The following ANK3 variants were observed in gnomAD, a reference collection of about 807,000 sequenced individuals.
ANK3 encodes ankyrin-3.
A neutral mutation model predicts 370.9 loss-of-function variants in ANK3; 57 were observed. The ratio of observed to expected loss-of-function variants is 0.15; its 90% CI spans 0.12 to 0.19. The LOEUF (loss-of-function observed/expected upper bound fraction) is 0.19. Ranked by LOEUF, ANK3 falls within the 10% of genes least tolerant of loss-of-function variation. ANK3 has a pLI of 1.00. For synonymous variants in ANK3, 1,929 were observed against 1,946.3 expected (o/e 0.99, Z 0.23); for missense variants, 4,439 against 5,302.1 (o/e 0.84, Z 5.06).
intron 2 of ANK3, among the ~76,000 whole-genome samples, chr10:60,465,261 C>T (rs1350095233): frequency 1.6e-5 from 2 of 126,270 alleles, no homozygotes; most frequent in Non-Finnish European, 3.3e-5. Context: ...GAGACCTAGT[C>T]ACCAAAAAAA....
chr10:60,295,812 C>T (rs1466652028), intron 1 of ANK3, among the ~76,000 whole-genome samples: 4 of 152,036 alleles, frequency 2.6e-5, no homozygotes, highest in Admixed American at 1.3e-4. Flanking sequence ...TTGTTACATG[C>T]TAACTTAAAA....
Position 60,559,286 on chromosome 10 carries a change from C to T in ANK3, c.96+55900G>A, listed in dbSNP as rs117038457. Among the ~76,000 whole-genome samples the T allele has an allele frequency of 3.6e-4, 55 of 152,188 alleles. No individual in the cohort carries two copies. In the East Asian group the frequency reaches 9.3e-3, roughly 26 times the overall value. On this transcript the variant is annotated intron_variant, in intron 2 of 43. Coordinates refer to the ANK3 transcript ENST00000373827. The stretch of plus-strand genomic sequence containing the variant: ...ACCCCCCAACCCTTTCCCCAGTGTC[C>T]CCAGAGTCCATTGTATCATTCTTAA...
At chr10:60,348,081 A>C (rs1420114764) in intron 1 of ANK3, among the ~76,000 whole-genome samples, 1 of 152,028 alleles carries the variant, frequency 6.6e-6, no homozygotes, top group Middle Eastern at 3.2e-3. Context: ...TTTGTTTCCT[A>C]CACTAATTTA....
chr10:60,602,961 T>C (rs2078084260), intron 2 of ANK3, among the ~76,000 whole-genome samples: 2 of 152,210 alleles, frequency 1.3e-5, no homozygotes, highest in Non-Finnish European at 2.9e-5. Flanking sequence ...TTCTTATAGG[T>C]TCATCAGGCT....
At chr10:60,610,172 G>A (rs1332335184) in intron 2 of ANK3, among the ~76,000 whole-genome samples, 10 of 152,072 alleles carry the variant, frequency 6.6e-5, no homozygotes, top group African/African-American at 1.7e-4. Flanking sequence ...AAATATTTAC[G>A]AAGCATGAAA....
intron 1 of ANK3, among the ~76,000 whole-genome samples, chr10:60,627,363 T>C (rs946653890): frequency 3.3e-5 from 5 of 151,590 alleles, no homozygotes; most frequent in African/African-American, 9.7e-5. Flanking sequence ...CTATATACCA[T>C]AACAAATTCT....
Position 60,506,164 on chromosome 10 carries a change from A to G in ANK3, c.96+109022T>C, listed in dbSNP as rs142001441. Among the ~76,000 whole-genome samples the G allele has an allele frequency of 8.9e-3, 1,348 of 152,268 alleles. 15 individuals are homozygous for G. Among genetic ancestry groups the G allele is most frequent in the Middle Eastern group, 0.017 (5 of 294 alleles). ...CTGATGCAGGAAAATATGCAAATAC[A>G]GTTATTTCCTTCCCATCCAGTTGTA... On this transcript the variant is annotated intron_variant, in intron 2 of 43. Coordinates refer to the ANK3 transcript ENST00000373827.
chr10:60,351,238 A>T (rs1004344215), intron 1 of ANK3, among the ~76,000 whole-genome samples: 1 of 152,170 alleles, frequency 6.6e-6, no homozygotes. Flanking sequence ...AATAGAGAAG[A>T]TCTATTTAGA....
intron 2 of ANK3, among the ~76,000 whole-genome samples, chr10:60,447,912 A>T (rs952338282): frequency 6.6e-6 from 1 of 152,138 alleles, no homozygotes; most frequent in African/African-American, 2.4e-5. Context: ...CTAAAATCTT[A>T]TGGTTTTGTT....
At chr10:60,046,277 CA>C (rs962146099) in intron 42 of ANK3, among the ~76,000 whole-genome samples, 2 of 151,648 alleles carry the variant, frequency 1.3e-5, no homozygotes, top group Admixed American at 6.6e-5. Flanking sequence ...ATAAGGACAG[CA>C]AAAAAAGCCA....
intron 25 of ANK3, among the ~76,000 whole-genome samples, 186 bp from the exon 26 acceptor site, chr10:60,114,517 T>C (rs1262867819): frequency 7.9e-5 from 12 of 152,232 alleles, no homozygotes; most frequent in African/African-American, 1.2e-4. Flanking sequence ...ACAAAGTCTA[T>C]TGATGTATTG....
intron 8 of ANK3, among the ~76,000 whole-genome samples, chr10:60,231,934 C>G (rs1188913820): frequency 6.6e-6 from 1 of 152,084 alleles, no homozygotes. Context: ...GTATCTTTGT[C>G]GAAAATAAGA....
intron 2 of ANK3, among the ~76,000 whole-genome samples, chr10:60,522,982 C>T (rs1187152889): frequency 6.6e-6 from 1 of 151,940 alleles, no homozygotes; most frequent in East Asian, 1.9e-4. Flanking sequence ...ATTTATTTGC[C>T]TATCAGTTTT....
chr10:60,632,775 G>A (rs1226253954), intron 1 of ANK3, among the ~76,000 whole-genome samples: 2 of 151,982 alleles, frequency 1.3e-5, no homozygotes, highest in Non-Finnish European at 2.9e-5. Flanking sequence ...CTATAGTACA[G>A]GTCCCTAGGA....
rs1032439654 is a variant in ANK3 at position 60,663,315 on chromosome 10, C to T, written c.58-48091G>A. Among the ~76,000 whole-genome samples the T allele has an allele frequency of 3.9e-5, 6 of 152,312 alleles. No individual in the cohort carries two copies. The East Asian group carries it at 1.2e-3, about 29-fold the overall frequency. On this transcript the variant is annotated intron_variant, in intron 1 of 43. Coordinates refer to the ANK3 transcript ENST00000373827. ...GCAGAGGCAGATTCCACTGAGAAGGCTCCTTGTTGAAGCTACTGGCTAATA... is the reference window on the plus strand; with the variant it reads ...GCAGAGGCAGATTCCACTGAGAAGGTTCCTTGTTGAAGCTACTGGCTAATA...
At chr10:60,278,954 A>G in intron 3 of ANK3, 82 bp from the exon 4 acceptor site, 1 of 1,568,514 alleles carries the variant, frequency 6.4e-7, no homozygotes, top group South Asian at 1.1e-5. Flanking sequence ...AATTTGACAA[A>G]TATCTTATGA....
intron 18 of ANK3, among the ~76,000 whole-genome samples, chr10:60,179,038 T>G (rs1190953550): frequency 6.6e-6 from 1 of 152,176 alleles, no homozygotes; most frequent in Non-Finnish European, 1.5e-5. Flanking sequence ...GATATTTTTA[T>G]TATTATTAAT....
intron 43 of ANK3, among the ~76,000 whole-genome samples, chr10:60,034,109 T>G (rs1279189654): frequency 6.9e-6 from 1 of 145,248 alleles, no homozygotes; most frequent in Non-Finnish European, 1.5e-5. Flanking sequence ...TTTTTTGGTT[T>G]TTTTTTTTTT....
intron 4 of ANK3, among the ~76,000 whole-genome samples, chr10:60,271,741 T>G (rs1357526449): frequency 1.3e-5 from 2 of 152,018 alleles, no homozygotes; most frequent in Non-Finnish European, 2.9e-5. Flanking sequence ...GCAAACACAC[T>G]GCTTTTGGCT....
Sources: gnomAD v4.1 joint callset for allele counts (sites outside exome capture counted in the v4.1 genomes callset) on GRCh38, gnomAD v4.1.1 for gene constraint, MANE v1.5 for transcripts, NCBI Gene and HGNC (gene_info 2026-07-23, HGNC 2026-07-21) for gene names.